The following NOL4 variants were observed in gnomAD, a reference collection of about 807,000 sequenced individuals.
NOL4 encodes the protein cancer/testis antigen 125.
In NOL4, 17 loss-of-function variants were observed where a neutral mutation model predicts 75.9. That is an observed-to-expected ratio of 0.22 (90% confidence interval 0.15 to 0.34). The LOEUF (loss-of-function observed/expected upper bound fraction) is 0.34. Ranked by LOEUF, NOL4 falls within the 10% of genes least tolerant of loss-of-function variation. The probability of loss-of-function intolerance (pLI) is 1.00; values close to 1 mark genes in which losing one functional copy is unlikely to be tolerated. For missense variants in NOL4, 614 were observed against 793.5 expected (o/e 0.77, Z 2.72); for synonymous variants, 292 against 289.9 (o/e 1.01, Z -0.07).
intron 1 of NOL4, among the ~76,000 whole-genome samples, chr18:34,171,057 T>C (rs1232530606): frequency 6.6e-6 from 1 of 152,200 alleles, no homozygotes; most frequent in Non-Finnish European, 1.5e-5. Flanking sequence ...TTTTAATTCA[T>C]AGAATAAATG....
intron 1 of NOL4, chr18:34,156,720 T>C (rs889019203): frequency 6.6e-6 from 1 of 152,552 alleles, no homozygotes; most frequent in Admixed American, 6.6e-5. Flanking sequence ...GTCATTAATA[T>C]CCTCTCCACT....
At chr18:33,907,847 TATA>T (rs1225305206) in intron 9 of NOL4, among the ~76,000 whole-genome samples, 1 of 152,240 alleles carries the variant, frequency 6.6e-6, no homozygotes. Context: ...TTTGTCTATA[TATA>T]ATAATATGTA....
chr18:33,998,260 G>A (rs1449176476), intron 6 of NOL4, among the ~76,000 whole-genome samples: 1 of 152,036 alleles, frequency 6.6e-6, no homozygotes, highest in Non-Finnish European at 1.5e-5. Context: ...TTAAATTGGT[G>A]AATTGCATGG....
intron 1 of NOL4, among the ~76,000 whole-genome samples, chr18:34,206,853 T>G (rs552615957): frequency 2.5e-4 from 38 of 152,202 alleles, no homozygotes; most frequent in African/African-American, 8.7e-4. Context: ...GGCACAAATA[T>G]TAGATCTTTT....
intron 10 of NOL4, among the ~76,000 whole-genome samples, chr18:33,865,242 C>A (rs1462292057): frequency 6.6e-6 from 1 of 152,066 alleles, no homozygotes; most frequent in Non-Finnish European, 1.5e-5. Context: ...ATACTCAAGT[C>A]CTTTATATTA....
intron 5 of NOL4, among the ~76,000 whole-genome samples, chr18:34,062,508 C>T (rs902579813): frequency 3.3e-5 from 5 of 151,978 alleles, no homozygotes; most frequent in African/African-American, 7.2e-5. Context: ...ACAGTATGAC[C>T]CTTTCTTCAT....
intron 5 of NOL4, among the ~76,000 whole-genome samples, chr18:34,073,660 A>G (rs1054887673): frequency 6.6e-6 from 1 of 152,062 alleles, no homozygotes; most frequent in Non-Finnish European, 1.5e-5. Context: ...GAACCCATGG[A>G]TGAAGAGGGC....
At chr18:33,921,081 T>G (rs1005718188) in intron 9 of NOL4, among the ~76,000 whole-genome samples, 2 of 152,200 alleles carry the variant, frequency 1.3e-5, no homozygotes, top group African/African-American at 4.8e-5. Flanking sequence ...TTTTTTCCCT[T>G]TGGGATGGAA....
intron 6 of NOL4, among the ~76,000 whole-genome samples, chr18:33,973,238 T>C (rs1369736227): frequency 6.6e-6 from 1 of 152,220 alleles, no homozygotes; most frequent in African/African-American, 2.4e-5. Flanking sequence ...CTTTCTTTGA[T>C]TATCCATAAG....
Position 34,161,754 on chromosome 18 carries a change from ATG to A in NOL4, c.265-31736_265-31735del, listed in dbSNP as rs137885006. 8.6e-3 allele frequency among the ~76,000 whole-genome samples: 1,307 copies of A among 151,684 alleles called. 19 individuals carry two copies. The highest frequency in any genetic ancestry group is 0.031 in the African/African-American group (1,252 of 41,008). On this transcript the variant is annotated intron_variant, in intron 1 of 10. Transcript: ENST00000261592. ...ATTTGGAATATTAATTCCTTGACAA[ATG>A]TGAATTAGAGATTTGAGATTAGATA... is the stretch of plus-strand genomic sequence containing the variant.
At chr18:34,150,910 C>T (rs1462901800) in intron 1 of NOL4, among the ~76,000 whole-genome samples, 2 of 151,576 alleles carry the variant, frequency 1.3e-5, no homozygotes, top group Non-Finnish European at 3.0e-5. Flanking sequence ...AATAGGAAAA[C>T]AAACAAACTG....
At chr18:33,956,736 C>T (rs1340103447) in intron 8 of NOL4, among the ~76,000 whole-genome samples, 2 of 152,120 alleles carry the variant, frequency 1.3e-5, no homozygotes, top group African/African-American at 4.8e-5. Flanking sequence ...TAACATCCAC[C>T]TGAATATGAA....
At chr18:33,949,776 G>C (rs1176704307) in intron 8 of NOL4, among the ~76,000 whole-genome samples, 3 of 151,928 alleles carry the variant, frequency 2.0e-5, no homozygotes, top group African/African-American at 7.3e-5. Flanking sequence ...CTATGTCTTG[G>C]CCTTATTTTT....
At chr18:34,216,595 C>A (rs973525334) in intron 1 of NOL4, among the ~76,000 whole-genome samples, 1 of 149,792 alleles carries the variant, frequency 6.7e-6, no homozygotes, top group African/African-American at 2.4e-5. Flanking sequence ...CCTGACAACA[C>A]AAACATAATT....
At chr18:33,972,568 A>G (rs923569089) in intron 6 of NOL4, among the ~76,000 whole-genome samples, 1 of 152,322 alleles carries the variant, frequency 6.6e-6, no homozygotes, top group Admixed American at 6.5e-5. Flanking sequence ...TCCTCAAAAA[A>G]TTAAAGATAG....
At chr18:33,853,099 G>A in intron 10 of NOL4, 64 bp from the exon 11 acceptor site, 3 of 1,355,482 alleles carry the variant, frequency 2.2e-6, no homozygotes, top group South Asian at 2.8e-5. Context: ...TTGGATGTGA[G>A]CATTCAATAA....
chr18:33,890,765 G>T (rs1426463881), intron 9 of NOL4, among the ~76,000 whole-genome samples: 1 of 152,056 alleles, frequency 6.6e-6, no homozygotes, highest in Non-Finnish European at 1.5e-5. Context: ...CAAATCTGTT[G>T]TTTCTGGAAG....
chr18:34,127,060 T>C (rs915061001), intron 2 of NOL4, among the ~76,000 whole-genome samples: 4 of 151,924 alleles, frequency 2.6e-5, no homozygotes, highest in Non-Finnish European at 5.9e-5. Context: ...TGCCTTTACA[T>C]ATTCCTAAAA....
At chr18:34,184,852 T>C (rs1241081457) in intron 1 of NOL4, among the ~76,000 whole-genome samples, 2 of 151,870 alleles carry the variant, frequency 1.3e-5, no homozygotes, top group East Asian at 3.9e-4. Flanking sequence ...AAAAATAGGG[T>C]TTGTATAAAG....
Sources: gnomAD v4.1 joint callset for allele counts (sites outside exome capture counted in the v4.1 genomes callset) on GRCh38, gnomAD v4.1.1 for gene constraint, MANE v1.5 for transcripts, NCBI Gene and HGNC (gene_info 2026-07-23, HGNC 2026-07-21) for gene names.